UNC79: variants seen among roughly 807,000 people sequenced by gnomAD.
UNC79 encodes protein unc-79 homolog.
UNC79 carries 37 observed loss-of-function variants against 283.1 expected under a neutral mutation model. The observed-to-expected ratio is 0.13, with a 90% confidence interval of 0.10 to 0.17. The LOEUF (loss-of-function observed/expected upper bound fraction) is 0.17, where lower values mean the gene tolerates loss of function less well. UNC79 is among the 10% of genes least tolerant of loss of function. UNC79 has a pLI of 1.00. For synonymous variants in UNC79, 1,107 were observed against 1,200.2 expected (o/e 0.92, Z 1.61); for missense variants, 2,272 against 3,211.1 (o/e 0.71, Z 7.07).
intron 38 of UNC79, 41 bp downstream of exon 41, chr14:93,655,448 C>A (rs768981751): frequency 1.2e-6 from 2 of 1,600,898 alleles, no homozygotes; most frequent in Non-Finnish European, 1.7e-6. Context: ...TAATTTCTTA[C>A]CATTTTCAGA....
At chr14:93,668,978 T>TAAAAAAA (rs543609091) in intron 40 of UNC79, among the ~76,000 whole-genome samples, 55 of 79,852 alleles carry the variant, frequency 6.9e-4, no homozygotes, top group Non-Finnish European at 9.5e-4. Flanking sequence ...GAACATTGTC[T>TAAAAAAA]AAAAAAAAAA....
intron 1 of UNC79, among the ~76,000 whole-genome samples, chr14:93,398,839 G>A (rs2055048304): frequency 6.6e-6 from 1 of 152,168 alleles, no homozygotes; most frequent in Non-Finnish European, 1.5e-5. Context: ...TTAAAGGACT[G>A]TGGCATGTAC....
intron 38 of UNC79, 123 bp from the exon 42 acceptor site, chr14:93,659,070 G>A (rs961912808): frequency 1.6e-5 from 11 of 687,432 alleles, no homozygotes; most frequent in Admixed American, 6.3e-5. Flanking sequence ...ATGGGAATCT[G>A]TTGAGATGCA....
chr14:93,419,384 A>C (rs2839864), intron 1 of UNC79, among the ~76,000 whole-genome samples: 1 of 150,822 alleles, frequency 6.6e-6, no homozygotes, highest in African/African-American at 2.4e-5. Context: ...GGCCAGGCTC[A>C]TCTTGAACTC....
At chr14:93,514,509 C>G (rs531464804) in intron 7 of UNC79, among the ~76,000 whole-genome samples, 1 of 152,310 alleles carries the variant, frequency 6.6e-6, no homozygotes, top group Admixed American at 6.5e-5. Context: ...AACCATTGAG[C>G]AGAGTTCTCT....
intron 1 of UNC79, among the ~76,000 whole-genome samples, chr14:93,447,034 T>G (rs1468354719): frequency 2.0e-5 from 3 of 152,208 alleles, no homozygotes; most frequent in African/African-American, 7.2e-5. Context: ...CATTTTTTGC[T>G]TCATGTGTTT....
At chr14:93,362,628 G>A (rs1174076572) in intron 1 of UNC79, among the ~76,000 whole-genome samples, 1 of 152,098 alleles carries the variant, frequency 6.6e-6, no homozygotes, top group Non-Finnish European at 1.5e-5. Context: ...GATTACAGAT[G>A]TTAGCCACTG....
chr14:93,589,512 G>A (rs1228405827), intron 22 of UNC79, among the ~76,000 whole-genome samples: 1 of 152,110 alleles, frequency 6.6e-6, no homozygotes, highest in East Asian at 1.9e-4. Flanking sequence ...AAAGACAGAG[G>A]CCACTGGGGA....
intron 19 of UNC79, among the ~76,000 whole-genome samples, 169 bp from the exon 20 acceptor site, chr14:93,582,034 C>T (rs895242078): frequency 1.8e-4 from 27 of 152,222 alleles, no homozygotes; most frequent in Non-Finnish European, 4.4e-5. Context: ...TTTCACTGTT[C>T]CAGCAATAAG....
chr14:93,373,852 GCAA>G (rs2054503490), intron 1 of UNC79, among the ~76,000 whole-genome samples: 1 of 152,144 alleles, frequency 6.6e-6, no homozygotes. Flanking sequence ...GCAAAAAACT[GCAA>G]CACGATATTA....
At chr14:93,421,874 GA>G (rs1448977065) in intron 1 of UNC79, among the ~76,000 whole-genome samples, 1 of 151,508 alleles carries the variant, frequency 6.6e-6, no homozygotes, top group Non-Finnish European at 1.5e-5. Flanking sequence ...TCAATCATGT[GA>G]GACATCATAT....
In UNC79 at chr14:93,613,090, G is replaced by T. The variant is rs1338927576; in HGVS notation, c.4041+7G>T. On this transcript the variant is annotated splice_region_variant and intron_variant, in intron 27 of 48. Coordinates refer to ENST00000555664, the Ensembl canonical transcript of UNC79. ...CATTGCAGGAATTGCCCAAGTAAGT[G>T]TAATAACAGCTTTCAGAAGTCACAC... 1 of 1,613,576 alleles carries T rather than the reference G, an allele frequency of 6.2e-7. No homozygotes were observed.
At chr14:93,602,452 T>C (rs546022751) in intron 25 of UNC79, among the ~76,000 whole-genome samples, 1 of 152,348 alleles carries the variant, frequency 6.6e-6, no homozygotes, top group East Asian at 1.9e-4. Context: ...TTCCGTTCCA[T>C]TGGTCTACAA....
intron 1 of UNC79, among the ~76,000 whole-genome samples, chr14:93,459,677 T>TTTTTTTTTTTTG: frequency 8.0e-6 from 1 of 124,472 alleles, no homozygotes. Flanking sequence ...TATTCAACTT[T>TTTTTTTTTTTTG]TTTTTTTTTT....
At chr14:93,443,574 C>G (rs1269769184) in intron 1 of UNC79, among the ~76,000 whole-genome samples, 1 of 152,028 alleles carries the variant, frequency 6.6e-6, no homozygotes, top group African/African-American at 2.4e-5. Context: ...CAGGTGCACA[C>G]CACCATGCCC....
At chr14:93,615,635 T>G (rs568834851) in intron 27 of UNC79, among the ~76,000 whole-genome samples, 216 of 143,972 alleles carry the variant, frequency 1.5e-3, no homozygotes, top group Non-Finnish European at 1.4e-3. Context: ...GGCAGGTGAA[T>G]CGCTGGAACC....
upstream of UNC79, among the ~76,000 whole-genome samples, chr14:93,425,859 G>A (rs2140079924): frequency 6.6e-6 from 1 of 152,186 alleles, no homozygotes; most frequent in South Asian, 2.1e-4. Context: ...ACTTGGCTAT[G>A]TTTACATTTT....
intron 7 of UNC79, among the ~76,000 whole-genome samples, chr14:93,508,245 A>T (rs1484510260): frequency 1.3e-5 from 2 of 150,996 alleles, no homozygotes; most frequent in Non-Finnish European, 2.9e-5. Context: ...AAGGCCAGGC[A>T]TGGTGGCTCA....
At chr14:93,660,024 T>A (rs995472439) in intron 39 of UNC79, among the ~76,000 whole-genome samples, 2 of 152,228 alleles carry the variant, frequency 1.3e-5, no homozygotes, top group Non-Finnish European at 2.9e-5. Context: ...GTGGTTCCAA[T>A]GAGACCACAA....
Sources: gnomAD v4.1 joint callset for allele counts (sites outside exome capture counted in the v4.1 genomes callset) on GRCh38, gnomAD v4.1.1 for gene constraint, MANE v1.5 for transcripts, NCBI Gene and HGNC (gene_info 2026-07-23, HGNC 2026-07-21) for gene names.